Variants in ADGRV1 observed in about 807,000 individuals in gnomAD.
The protein encoded by ADGRV1 is adhesion G protein-coupled receptor V1.
In ADGRV1, 359 loss-of-function variants were observed where a neutral mutation model predicts 596.2. The observed-to-expected ratio is 0.60, with a 90% CI of 0.55 to 0.66. The LOEUF (loss-of-function observed/expected upper bound fraction) is 0.66, where lower values mean the gene tolerates loss of function less well. ADGRV1 is among the 30% of genes least tolerant of loss of function. ADGRV1 has a pLI of 0.00. For missense variants in ADGRV1, 7,274 were observed against 7,575.6 expected (o/e 0.96, Z 1.48); for synonymous variants, 2,681 against 2,679.2 (o/e 1.00, Z -0.02).
At position 90,807,636 on chromosome 5, in the gene ADGRV1, A is replaced by G; in HGVS notation, c.14871A>G (p.Lys4957=). ...SLSFSHGEQR[K]GVFLWTFPSP... Reference sequence around the variant, plus strand: ...CATTTTCCCACGGTGAACAAAGGAAAGGAGTTTTCCTGTGGACGTTTCCTA... The same window carrying G: ...CATTTTCCCACGGTGAACAAAGGAAGGGAGTTTTCCTGTGGACGTTTCCTA... Residue 4957 remains lysine (K), a synonymous_variant, in exon 73 of 90, where the codon AAA becomes AAG. Coordinates refer to ENST00000405460, the MANE Select transcript of ADGRV1 (RefSeq NM_032119.4). 6.2e-7 allele frequency: 1 copy of G among 1,613,162 alleles called. No individual in the cohort carries two copies. Among genetic ancestry groups the G allele is most frequent in the African/African-American group, 1.3e-5 (1 of 75,060 alleles).
At position 90,644,825 on chromosome 5, in the gene ADGRV1, C is replaced by T. The variant is rs1441316383; in HGVS notation, c.2854C>T (p.Gln952Ter). The change falls in exon 15 of 90, where the codon CAG becomes TAG. Residue 952 changes from glutamine to a stop codon, truncating the protein, a stop_gained. Coordinates refer to ENST00000405460, the MANE Select transcript of ADGRV1 (RefSeq NM_032119.4). LOFTEE classifies it high-confidence loss of function. ...ACAAGGGACTGTTGTCTTTGGAGAT[C>T]AGGAATTTTCAAAAAATATCACCAT... Reference protein sequence around the residue: ...PVQGTVVFGDQEFSKNITIYS... With the variant: ...PVQGTVVFGD The T allele has an allele frequency of 6.2e-7, 1 of 1,607,894 alleles. No homozygotes were observed. The highest frequency in any genetic ancestry group is 8.5e-7 in the Non-Finnish European group (1 of 1,177,784).
intron 50 of ADGRV1, among the ~76,000 whole-genome samples, chr5:90,744,284 G>T (rs1754356588): frequency 6.6e-6 from 1 of 152,114 alleles, no homozygotes; most frequent in Non-Finnish European, 1.5e-5. Context: ...ACCCAGCCTT[G>T]CTTTGAACTA....
intron 9 of ADGRV1, among the ~76,000 whole-genome samples, chr5:90,632,741 GA>G (rs962039497): frequency 2.6e-5 from 4 of 152,198 alleles, no homozygotes; most frequent in African/African-American, 9.7e-5. Context: ...TCCTGGGTTA[GA>G]AAGTTGCACC....
rs144273169 is a variant in ADGRV1, at chr5:90,988,634, C to G, written c.18152+3112C>G. 4.1e-3 allele frequency among the ~76,000 whole-genome samples: 626 copies of G among 151,570 alleles called. 3 individuals are homozygous for G. The highest frequency in any genetic ancestry group is 0.015 in the African/African-American group (602 of 41,460). On this transcript the variant is annotated intron_variant, in intron 85 of 89. Transcript: ENST00000405460. The stretch of plus-strand genomic sequence containing the variant: ...TAAATATCTTTACCAGAGTGACACA[C>G]AGCTATTTCTTTTTTTTTTATTATA...
intron 87 of ADGRV1, among the ~76,000 whole-genome samples, chr5:91,143,021 G>C (rs559952175): frequency 1.3e-5 from 2 of 152,318 alleles, no homozygotes; most frequent in East Asian, 3.9e-4. Flanking sequence ...GTGTGAATGA[G>C]CAAGTATGGG....
Position 90,694,313 on chromosome 5 carries a change from C to G in ADGRV1, c.7557C>G (p.Phe2519Leu). The change falls in exon 33 of 90, where the codon TTC becomes TTG. Residue 2519 changes from phenylalanine to leucine, a missense_variant. Physicochemically the swap from Phe to Leu is conservative, Grantham distance 22. Around this residue, in one of 5 missense-constraint regions of ADGRV1, gnomAD observed 3,643 missense variants for 3,809.2 expected, o/e 0.96. Transcript: ENST00000405460. ...CCATAATGCAGGAAGGTGATGAATT[C>G]GCAAATCTCACAGTGTCTATTCTTC... ...QWAIMQEGDE[F>L]ANLTVSILPD... The G allele has an allele frequency of 6.2e-7, 1 of 1,613,936 alleles. No individual in the cohort carries two copies. The highest frequency in any genetic ancestry group is 8.5e-7 in the Non-Finnish European group (1 of 1,179,876).
chr5:90,814,121 T>C (rs974857979), intron 74 of ADGRV1, among the ~76,000 whole-genome samples: 2 of 152,166 alleles, frequency 1.3e-5, no homozygotes, highest in Non-Finnish European at 2.9e-5. Flanking sequence ...AAAAAGTCAA[T>C]GTCAGATTCT....
intron 21 of ADGRV1, among the ~76,000 whole-genome samples, chr5:90,667,919 C>A (rs1315260846): frequency 6.6e-6 from 1 of 151,968 alleles, no homozygotes; most frequent in Non-Finnish European, 1.5e-5. Context: ...AGTTAGGCTG[C>A]TCGGGGGTCA....
At chr5:90,610,245 G>C (rs953372062) in intron 1 of ADGRV1, among the ~76,000 whole-genome samples, 2 of 151,924 alleles carry the variant, frequency 1.3e-5, no homozygotes, top group East Asian at 1.9e-4. Context: ...TATAATATTT[G>C]ATGCTCTTAT....
chr5:91,084,119 T>A (rs1789654116), intron 86 of ADGRV1, among the ~76,000 whole-genome samples: 1 of 152,154 alleles, frequency 6.6e-6, no homozygotes, highest in African/African-American at 2.4e-5. Context: ...TGCCGGTTTC[T>A]TACTCCTACT....
chr5:90,747,565 C>T (rs1435552467), intron 52 of ADGRV1, among the ~76,000 whole-genome samples: 2 of 152,090 alleles, frequency 1.3e-5, no homozygotes, highest in Non-Finnish European at 2.9e-5. Context: ...AATTCCCCAG[C>T]ATTGAGTTGT....
At chr5:90,691,842 G>A (rs191708516) in intron 31 of ADGRV1, among the ~76,000 whole-genome samples, 24 of 152,070 alleles carry the variant, frequency 1.6e-4, no homozygotes, top group East Asian at 9.6e-4. Context: ...AATAGCATGC[G>A]AGATGCATCT....
chr5:90,632,462 CTG>C (rs1580524354), intron 9 of ADGRV1, among the ~76,000 whole-genome samples: 1 of 152,104 alleles, frequency 6.6e-6, no homozygotes, highest in East Asian at 1.9e-4. Flanking sequence ...ACAGTAAAAA[CTG>C]TGCTAATATA....
In ADGRV1 at chr5:90,801,365, G is replaced by A. The variant is rs374271244; in HGVS notation, c.14518-1374G>A. Among the ~76,000 whole-genome samples, 49 of 152,120 alleles carry A rather than the reference G, an allele frequency of 3.2e-4. No individual in the cohort carries two copies. In the East Asian group the frequency reaches 9.1e-3, roughly 28 times the overall value. ...GTGAGCAGAGGAGCTAGGCGGGAAGGCACAAGTGACCTGGTGCTTTAAGCT... is the reference window on the plus strand; with the variant it reads ...GTGAGCAGAGGAGCTAGGCGGGAAGACACAAGTGACCTGGTGCTTTAAGCT... On this transcript the variant is annotated intron_variant, in intron 70 of 89. Coordinates refer to ENST00000405460, the MANE Select transcript of ADGRV1 (RefSeq NM_032119.4).
At chr5:90,862,113 A>C (rs1325272938) in intron 82 of ADGRV1, among the ~76,000 whole-genome samples, 1 of 152,188 alleles carries the variant, frequency 6.6e-6, no homozygotes, top group Non-Finnish European at 1.5e-5. Flanking sequence ...TAGTATACTA[A>C]ATGTATATCA....
chr5:90,777,603 T>C (rs1214334831), intron 61 of ADGRV1, among the ~76,000 whole-genome samples: 1 of 152,156 alleles, frequency 6.6e-6, no homozygotes, highest in East Asian at 1.9e-4. Flanking sequence ...GTACCTTGCG[T>C]GTTAAGTGAA....
intron 1 of ADGRV1, among the ~76,000 whole-genome samples, chr5:90,602,813 G>A (rs1455212188): frequency 6.6e-6 from 1 of 152,230 alleles, no homozygotes; most frequent in East Asian, 1.9e-4. Context: ...TTTTAGAAAT[G>A]ATTAATAGAC....
intron 10 of ADGRV1, among the ~76,000 whole-genome samples, chr5:90,637,388 T>C (rs907282273): frequency 2.0e-5 from 3 of 152,210 alleles, no homozygotes; most frequent in Non-Finnish European, 4.4e-5. Context: ...AATGGAAATA[T>C]ATTCTTTAGC....
chr5:91,093,231 GATCT>G (rs1312588629), intron 86 of ADGRV1, among the ~76,000 whole-genome samples: 1 of 152,200 alleles, frequency 6.6e-6, no homozygotes, highest in Non-Finnish European at 1.5e-5. Flanking sequence ...GCCAGATGCA[GATCT>G]ATCTATCCCT....
Sources: allele counts gnomAD v4.1 joint callset (sites outside exome capture counted in the v4.1 genomes callset), GRCh38; gene constraint gnomAD v4.1.1; regional missense constraint gnomAD v4.1.1; transcripts MANE v1.5; gene names NCBI Gene and HGNC (gene_info 2026-07-23, HGNC 2026-07-21).